C1QTNF2: variants seen among roughly 807,000 people sequenced by gnomAD.
C1QTNF2 encodes C1q and TNF related 2.
In C1QTNF2, 15 loss-of-function variants were observed where a neutral mutation model predicts 17.4. The ratio of observed to expected loss-of-function variants is 0.86; its 90% CI spans 0.58 to 1.33. The LOEUF is 1.33. Ranked by LOEUF, C1QTNF2 falls within the 40% of genes most tolerant of loss-of-function variation. C1QTNF2 has a pLI of 0.00. For synonymous variants in C1QTNF2, 154 were observed against 163.3 expected, an observed-to-expected ratio of 0.94 and a Z score of 0.44; for missense variants, 381 against 392.3, an observed-to-expected ratio of 0.97 and a Z score of 0.24.
intron 1 of C1QTNF2, 111 bp downstream of exon 1, chr5:160,370,401 C>T (rs1255541017): frequency 2.0e-5 from 26 of 1,313,618 alleles, no homozygotes; most frequent in Non-Finnish European, 2.4e-5. Flanking sequence ...GGCGCGCTGG[C>T]AGCTCTCCCA....
rs79946744 is a variant in C1QTNF2 at position 160,353,524 on chromosome 5, G to C, written c.244+1244C>G. On this transcript the variant is annotated intron_variant, in intron 2 of 2. Transcript: ENST00000652664. Reference sequence around the variant, plus strand: ...CACACACGCAGGGGTGGGTCCATGAGCCTGCCCTGCAAATGGAGGCACCTC... The same window carrying C: ...CACACACGCAGGGGTGGGTCCATGACCCTGCCCTGCAAATGGAGGCACCTC... Among the ~76,000 whole-genome samples the C allele has an allele frequency of 5.0e-4, 76 of 152,196 alleles. No homozygotes were observed. In the East Asian group the frequency reaches 0.014, roughly 27 times the overall value.
chr5:160,359,799 C>T (rs1764118818), intron 1 of C1QTNF2, among the ~76,000 whole-genome samples: 1 of 152,174 alleles, frequency 6.6e-6, no homozygotes, highest in Non-Finnish European at 1.5e-5. Flanking sequence ...ATCAGGGTGT[C>T]ACTCCCCAAG....
Position 160,349,609 on chromosome 5 carries a change from GC to G in C1QTNF2, c.416del (p.Gly139AlafsTer18). 6.2e-7 allele frequency: 1 copy of G among 1,613,580 alleles called. No homozygotes were observed. Among genetic ancestry groups the G allele is most frequent in the Non-Finnish European group, 8.5e-7 (1 of 1,179,928 alleles). ...KGKKGEPGLP[G>X]PCSCGSGHTK... Reference sequence around the variant, plus strand: ...TATGGCCACTGCCACAGCTGCAGGGGCCTGGGAGGCCTGGCTCCCCCTTCTT... The same window carrying G: ...TATGGCCACTGCCACAGCTGCAGGGGCTGGGAGGCCTGGCTCCCCCTTCTT... On this transcript the variant is annotated frameshift_variant, in exon 3 of 3. Coordinates refer to ENST00000652664, the MANE Select transcript of C1QTNF2 (RefSeq NM_031908.6). LOFTEE classifies it high-confidence loss of function. This position sits in a 1 kb window ranked among gnomAD's most constrained non-coding sequence, Gnocchi z 4.3.
chr5:160,357,496 C>T (rs1043306702), intron 1 of C1QTNF2, among the ~76,000 whole-genome samples: 1 of 151,924 alleles, frequency 6.6e-6, no homozygotes, highest in Non-Finnish European at 1.5e-5. Context: ...CTAGACACTC[C>T]CCAGGCCCTG....
chr5:160,359,599 G>A (rs1197167959), intron 1 of C1QTNF2, among the ~76,000 whole-genome samples: 1 of 152,190 alleles, frequency 6.6e-6, no homozygotes, highest in African/African-American at 2.4e-5. Flanking sequence ...TACAAGTGAT[G>A]CTTTTTCTCT....
At chr5:160,365,188 C>T (rs957622433) in intron 1 of C1QTNF2, among the ~76,000 whole-genome samples, 4 of 152,132 alleles carry the variant, frequency 2.6e-5, no homozygotes, top group Non-Finnish European at 5.9e-5. Context: ...CATTCAAGAC[C>T]AGGCAGGCGG....
chr5:160,358,160 A>C (rs570896074), intron 1 of C1QTNF2, among the ~76,000 whole-genome samples: 61 of 152,326 alleles, frequency 4.0e-4, no homozygotes, highest in African/African-American at 1.5e-3. Flanking sequence ...CTGGAGCCTG[A>C]AGCTCCTGGA....
At chr5:160,353,788 C>CTTTTTTTTTTTTTT (rs200777932) in intron 2 of C1QTNF2, among the ~76,000 whole-genome samples, 1 of 85,980 alleles carries the variant, frequency 1.2e-5, no homozygotes, top group African/African-American at 4.8e-5. Context: ...ACTTCTCAGG[C>CTTTTTTTTTTTTTT]TTTTTTTTTT....
chr5:160,352,195 C>A (rs1763937192), intron 2 of C1QTNF2, among the ~76,000 whole-genome samples: 2 of 152,302 alleles, frequency 1.3e-5, no homozygotes, highest in African/African-American at 4.8e-5. Context: ...AGGCATGAGC[C>A]ACCACGCAGC....
intron 1 of C1QTNF2, 29 bp downstream of exon 1, chr5:160,370,483 C>T (rs1764334371): frequency 3.5e-6 from 5 of 1,414,146 alleles, no homozygotes; most frequent in Admixed American, 6.1e-5. Flanking sequence ...ACTTGCCGCC[C>T]CCGCCCGACC....
intron 2 of C1QTNF2, among the ~76,000 whole-genome samples, chr5:160,351,358 T>G (rs901460697): frequency 2.0e-5 from 3 of 152,260 alleles, no homozygotes; most frequent in Non-Finnish European, 4.4e-5. Context: ...GTTAGAACCA[T>G]ATGAACTGGG....
At chr5:160,364,671 A>T (rs1764214693) in intron 1 of C1QTNF2, among the ~76,000 whole-genome samples, 1 of 152,154 alleles carries the variant, frequency 6.6e-6, no homozygotes, top group African/African-American at 2.4e-5. Context: ...TCCCATTTTC[A>T]CTTATCACTT....
intron 1 of C1QTNF2, chr5:160,355,347 T>G: frequency 7.2e-6 from 4 of 558,532 alleles, no homozygotes; most frequent in Non-Finnish European, 9.1e-6. Flanking sequence ...GGAGGAGCTG[T>G]GAATGGAGAG....
chr5:160,366,937 T>C (rs1335316759), intron 1 of C1QTNF2, among the ~76,000 whole-genome samples: 1 of 150,994 alleles, frequency 6.6e-6, no homozygotes, highest in African/African-American at 2.4e-5. Context: ...GTGGGGAGAA[T>C]TGCTTGAGTC....
intron 1 of C1QTNF2, among the ~76,000 whole-genome samples, chr5:160,361,503 C>T (rs1019229331): frequency 6.6e-6 from 1 of 152,190 alleles, no homozygotes; most frequent in Non-Finnish European, 1.5e-5. Flanking sequence ...CAGGTTTTGA[C>T]ACACTGACAG....
intron 1 of C1QTNF2, among the ~76,000 whole-genome samples, chr5:160,367,256 G>C (rs561366405): frequency 6.6e-6 from 1 of 152,030 alleles, no homozygotes; most frequent in Non-Finnish European, 1.5e-5. Flanking sequence ...TGTTAACATC[G>C]ACGTTTGCAG....
chr5:160,366,549 C>T (rs2961921), intron 1 of C1QTNF2, among the ~76,000 whole-genome samples: 12,527 of 152,218 alleles, frequency 0.082, 630 homozygotes, highest in East Asian at 0.19. Flanking sequence ...CCGTGAGGAG[C>T]TGAACATTTG....
chr5:160,365,267 A>G (rs1158073500), intron 1 of C1QTNF2, among the ~76,000 whole-genome samples: 1 of 152,200 alleles, frequency 6.6e-6, no homozygotes, highest in East Asian at 1.9e-4. Flanking sequence ...ACACTTGAAG[A>G]TCTAAGAACT....
At chr5:160,359,956 C>T (rs76407650) in intron 1 of C1QTNF2, among the ~76,000 whole-genome samples, 5 of 152,124 alleles carry the variant, frequency 3.3e-5, no homozygotes, top group Non-Finnish European at 5.9e-5. Flanking sequence ...ACCCACCCCC[C>T]CTACCTTTTC....
Sources: gnomAD v4.1 joint callset for allele counts (sites outside exome capture counted in the v4.1 genomes callset) on GRCh38, gnomAD v4.1.1 for gene constraint, Gnocchi (gnomAD v3.1) non-coding constraint, MANE v1.5 for transcripts, NCBI Gene and HGNC (gene_info 2026-07-23, HGNC 2026-07-21) for gene names.